PGAP4: variants seen among roughly 807,000 people sequenced by gnomAD.
PGAP4 encodes GPI-N-acetylgalactosamine transferase PGAP4.
PGAP4 carries 12 observed loss-of-function variants against 28.2 expected under a neutral mutation model. The observed-to-expected ratio is 0.42, with a 90% CI of 0.27 to 0.69. The LOEUF (loss-of-function observed/expected upper bound fraction) is 0.69. Among genes scored for constraint, PGAP4 ranks in the 30% least tolerant of loss-of-function variants. PGAP4 has a pLI of 0.22. For synonymous variants in PGAP4, 205 were observed against 211.8 expected, an observed-to-expected ratio of 0.97 and a Z score of 0.28; for missense variants, 425 against 513.5, an observed-to-expected ratio of 0.83 and a Z score of 1.67.
chr9:101,503,095 G>A (rs1474140277), intron 2 of PGAP4, among the ~76,000 whole-genome samples: 1 of 152,032 alleles, frequency 6.6e-6, no homozygotes, highest in Non-Finnish European at 1.5e-5. Flanking sequence ...TCACTTCTCA[G>A]GGTTGGGGTG....
Position 101,476,064 on chromosome 9 carries a change from C to A in PGAP4, c.1029G>T (p.Ala343=). ...CTPAMLFPAP[A]ARRTLTYLSQ... is the part of the protein sequence containing the mutation. ...ACAGGTAGGTGAGGGTCCGGCGGGCCGCAGGTGCCGGGAAGAGCATGGCTG... is the reference window on the plus strand; with the variant it reads ...ACAGGTAGGTGAGGGTCCGGCGGGCAGCAGGTGCCGGGAAGAGCATGGCTG... Residue 343 remains alanine, a synonymous_variant, in exon 2 of 2, where the codon GCG becomes GCT. Coordinates refer to ENST00000374848, the MANE Select transcript of PGAP4 (RefSeq NM_032342.3). This position sits in a 1 kb window ranked among gnomAD's most constrained non-coding sequence, Gnocchi z 7.0. 2.5e-6 allele frequency: 4 copies of A among 1,614,122 alleles called. No individual in the cohort carries two copies. The South Asian group carries it at 4.4e-5, about 18-fold the overall frequency.
At chr9:101,527,167 T>C (rs1827042092) in intron 2 of PGAP4, among the ~76,000 whole-genome samples, 1 of 152,236 alleles carries the variant, frequency 6.6e-6, no homozygotes, top group Non-Finnish European at 1.5e-5. Flanking sequence ...CAGCCCCACC[T>C]GGAAGGGCTT....
intron 2 of PGAP4, among the ~76,000 whole-genome samples, chr9:101,526,699 T>G (rs972571014): frequency 1.0e-3 from 152 of 152,338 alleles, no homozygotes; most frequent in African/African-American, 3.5e-3. Flanking sequence ...TCCACCCACC[T>G]TGACCTTCCC....
intron 2 of PGAP4, among the ~76,000 whole-genome samples, chr9:101,495,481 A>G (rs990546859): frequency 7.2e-6 from 1 of 139,142 alleles, no homozygotes; most frequent in Non-Finnish European, 1.5e-5. Context: ...TATAATATAT[A>G]TAGGCTTTCT....
rs1826611760 is a variant in PGAP4 at position 101,486,293 on chromosome 9, C to T, written c.-78+656G>A. On this transcript the variant is annotated intron_variant, in intron 1 of 1. Transcript: ENST00000374848. The surrounding 1 kb of genome is among the most constrained non-coding windows in gnomAD (Gnocchi z 4.7). The stretch of plus-strand genomic sequence containing the variant: ...CTGCCACGCTTGAGCCTCAGTTTCC[C>T]ACCCGTAGGCCGAGCTGACCGTCTC... Among the ~76,000 whole-genome samples, 2 of 152,228 alleles carry T rather than the reference C, an allele frequency of 1.3e-5. No individual in the cohort carries two copies. Among genetic ancestry groups the T allele is most frequent in the African/African-American group, 2.4e-5 (1 of 41,478 alleles).
rs1826614879 is a variant in PGAP4, at chr9:101,486,390, C to T, written c.-78+559G>A. Reference sequence around the variant, plus strand: ...GGGACGCCTTCCTCTGCCCAGTCGCCCTCCCCCAGCCCTTGGCTGCGAGGT... The same window carrying T: ...GGGACGCCTTCCTCTGCCCAGTCGCTCTCCCCCAGCCCTTGGCTGCGAGGT... On this transcript the variant is annotated intron_variant, in intron 1 of 1. Transcript: ENST00000374848. The surrounding 1 kb of genome is among the most constrained non-coding windows in gnomAD (Gnocchi z 4.7). Among the ~76,000 whole-genome samples, 1 of 152,186 alleles carries T rather than the reference C, an allele frequency of 6.6e-6. No homozygotes were observed. Among genetic ancestry groups the T allele is most frequent in the African/African-American group, 2.4e-5 (1 of 41,458 alleles).
At chr9:101,525,488 C>A (rs1294348918) in intron 2 of PGAP4, among the ~76,000 whole-genome samples, 1 of 151,628 alleles carries the variant, frequency 6.6e-6, no homozygotes, top group East Asian at 1.9e-4. Flanking sequence ...GGGCAGATTG[C>A]CTGATGTCGG....
chr9:101,494,929 T>C (rs1826725528), intron 2 of PGAP4, among the ~76,000 whole-genome samples: 2 of 150,552 alleles, frequency 1.3e-5, no homozygotes, highest in African/African-American at 2.4e-5. Flanking sequence ...CTGAATAGCA[T>C]ATTTATATAA....
At chr9:101,520,560 T>G (rs747157903) in intron 2 of PGAP4, among the ~76,000 whole-genome samples, 1 of 152,222 alleles carries the variant, frequency 6.6e-6, no homozygotes, top group Non-Finnish European at 1.5e-5. Flanking sequence ...TTTGTGTACA[T>G]TAATGTTGTA....
At chr9:101,529,197 C>T (rs1827063958) in intron 2 of PGAP4, among the ~76,000 whole-genome samples, 2 of 150,122 alleles carry the variant, frequency 1.3e-5, no homozygotes, top group Non-Finnish European at 3.0e-5. Context: ...CTCTTTTTGC[C>T]CAGGCTGGAG....
intron 2 of PGAP4, among the ~76,000 whole-genome samples, chr9:101,525,699 CAAAAAAA>C (rs397893277): frequency 1.5e-4 from 9 of 61,422 alleles, no homozygotes; most frequent in Middle Eastern, 0.011. Flanking sequence ...CAGAGCGTCT[CAAAAAAA>C]AAAAAAAAAA....
At chr9:101,477,373 T>C (rs1304565562) in intron 1 of PGAP4, among the ~76,000 whole-genome samples, 3 of 151,886 alleles carry the variant, frequency 2.0e-5, no homozygotes, top group African/African-American at 7.3e-5. Context: ...CCTCTGGATG[T>C]TTTTATTATT....
At position 101,475,715 on chromosome 9, in the gene PGAP4, C is replaced by A. The variant is rs980936680; in HGVS notation, c.*166G>T. 7 of 746,002 alleles carry A rather than the reference C, an allele frequency of 9.4e-6. No homozygotes were observed. The African/African-American group carries it at 1.2e-4, about 13-fold the overall frequency. 46.2% of individuals were successfully genotyped at this position (746,002 alleles called of 1,614,324 possible). On this transcript the variant is annotated 3_prime_UTR_variant, in exon 2 of 2. Transcript: ENST00000374848. ...AACTGCTGCTCCTGCCAGGAGGCTACCAAAGCCAAGGCTCTTAACATATTG... is the reference window on the plus strand; with the variant it reads ...AACTGCTGCTCCTGCCAGGAGGCTAACAAAGCCAAGGCTCTTAACATATTG...
Position 101,516,984 on chromosome 9 carries a change from A to G in PGAP4, c.-165+14364T>C, listed in dbSNP as rs1161809428. Among the ~76,000 whole-genome samples the G allele has an allele frequency of 2.0e-5, 3 of 152,186 alleles. No individual in the cohort carries two copies. In the East Asian group the frequency reaches 5.8e-4, roughly 29 times the overall value. On this transcript the variant is annotated intron_variant, in intron 2 of 3. Coordinates refer to the PGAP4 transcript ENST00000374851. Reference sequence around the variant, plus strand: ...TGCTCATGATCTATCTCTTATTTACATGCTGATTGAAGACTGAAGGGCAAA... The same window carrying G: ...TGCTCATGATCTATCTCTTATTTACGTGCTGATTGAAGACTGAAGGGCAAA...
At chr9:101,529,883 T>C (rs1224633262) in intron 2 of PGAP4, among the ~76,000 whole-genome samples, 1 of 152,246 alleles carries the variant, frequency 6.6e-6, no homozygotes, top group Non-Finnish European at 1.5e-5. Context: ...ACTTGCATTT[T>C]CAGAGAGCTT....
Position 101,526,598 on chromosome 9 carries a change from C to T in PGAP4, c.-165+4750G>A, listed in dbSNP as rs138119756. On this transcript the variant is annotated intron_variant, in intron 2 of 3. Coordinates refer to the PGAP4 transcript ENST00000374851. ...CCAAGTAGCTGAGACTACAGGTATG[C>T]GCCACCATGCCTGGCTAATTTTGTG... Among the ~76,000 whole-genome samples the T allele has an allele frequency of 9.3e-3, 1,420 of 152,096 alleles. 11 individuals carry two copies. The highest frequency in any genetic ancestry group is 0.019 in the South Asian group (91 of 4,808).
exon 1 of PGAP4, chr9:101,533,271 G>C (rs942582886): frequency 6.6e-6 from 1 of 152,204 alleles, no homozygotes; most frequent in East Asian, 1.9e-4. Flanking sequence ...GGTTTGGGGG[G>C]AGGAGATGAG....
chr9:101,484,143 T>C (rs527633789), intron 1 of PGAP4, among the ~76,000 whole-genome samples: 1 of 151,670 alleles, frequency 6.6e-6, no homozygotes, highest in East Asian at 1.9e-4. Context: ...CTACCAAAGA[T>C]GGATAAGAAA....
At chr9:101,529,265 C>T (rs886653453) in intron 2 of PGAP4, among the ~76,000 whole-genome samples, 4 of 151,344 alleles carry the variant, frequency 2.6e-5, no homozygotes, top group Non-Finnish European at 5.9e-5. Context: ...AAGTGATTCT[C>T]CTGCCTCAGC....
Sources: allele counts gnomAD v4.1 joint callset (sites outside exome capture counted in the v4.1 genomes callset), GRCh38; gene constraint gnomAD v4.1.1; non-coding constraint Gnocchi (gnomAD v3.1); transcripts MANE v1.5; gene names NCBI Gene and HGNC (gene_info 2026-07-23, HGNC 2026-07-21).